The following VEZT variants were observed in gnomAD, a reference collection of about 807,000 sequenced individuals.
VEZT encodes vezatin, adherens junctions transmembrane protein, also known as vezatin.
A neutral mutation model predicts 79.9 loss-of-function variants in VEZT; 39 were observed. The observed-to-expected ratio is 0.49, with a 90% CI of 0.38 to 0.64. The LOEUF is 0.64. VEZT is among the 30% of genes least tolerant of loss of function. The pLI is 0.00. For synonymous variants in VEZT, 325 were observed against 327.6 expected (o/e 0.99, Z 0.09); for missense variants, 837 against 893.1 (o/e 0.94, Z 0.80).
chr12:95,262,694 C>G (rs192884945), intron 3 of VEZT, among the ~76,000 whole-genome samples: 3 of 152,262 alleles, frequency 2.0e-5, no homozygotes, highest in African/African-American at 7.2e-5. Flanking sequence ...CATCTGATGG[C>G]TCAATAATGT....
At chr12:95,290,786 C>A (rs931932331) in intron 9 of VEZT, 1 of 152,042 alleles carries the variant, frequency 6.6e-6, no homozygotes, top group African/African-American at 2.4e-5. Context: ...ATTCATGAAT[C>A]ATTCCATATT....
intron 9 of VEZT, among the ~76,000 whole-genome samples, chr12:95,290,124 T>A (rs1441100531): frequency 6.6e-6 from 1 of 152,246 alleles, no homozygotes. Context: ...CAATATTTTT[T>A]ATATGTCTAG....
intron 1 of VEZT, among the ~76,000 whole-genome samples, chr12:95,246,403 G>A (rs922534353): frequency 1.7e-4 from 26 of 152,168 alleles, no homozygotes; most frequent in African/African-American, 6.0e-4. Context: ...GATTACAGGC[G>A]TGAGCCACCG....
intron 4 of VEZT, among the ~76,000 whole-genome samples, chr12:95,264,502 C>T (rs887617628): frequency 6.6e-6 from 1 of 151,982 alleles, no homozygotes; most frequent in African/African-American, 2.4e-5. Context: ...AGTGGTGTGA[C>T]CTCAGCTCAC....
At chr12:95,264,088 A>G (rs935648742) in intron 4 of VEZT, among the ~76,000 whole-genome samples, 2 of 152,262 alleles carry the variant, frequency 1.3e-5, no homozygotes, top group African/African-American at 4.8e-5. Context: ...TGTTCAAGTT[A>G]TATAGGCAGT....
At chr12:95,278,433 G>A (rs560168867) in intron 7 of VEZT, among the ~76,000 whole-genome samples, 1 of 152,126 alleles carries the variant, frequency 6.6e-6, no homozygotes, top group East Asian at 1.9e-4. Flanking sequence ...ACATTTATCA[G>A]GCTCTGAAAG....
At chr12:95,289,081 C>CAAAAAAAA (rs71078697) in intron 9 of VEZT, among the ~76,000 whole-genome samples, 171 of 123,070 alleles carry the variant, frequency 1.4e-3, no homozygotes, top group Non-Finnish European at 2.2e-3. Context: ...GACTCCGTCT[C>CAAAAAAAA]AAAAAAAAAA....
chr12:95,290,860 A>G (rs1305846711), intron 9 of VEZT: 3 of 152,160 alleles, frequency 2.0e-5, no homozygotes, highest in Admixed American at 2.0e-4. Flanking sequence ...ATATATATCT[A>G]CATATATATT....
At chr12:95,249,677 T>C (rs1163153440) in intron 1 of VEZT, among the ~76,000 whole-genome samples, 6 of 152,192 alleles carry the variant, frequency 3.9e-5, no homozygotes, top group African/African-American at 1.4e-4. Context: ...ATATATTCCC[T>C]AAATGTCTTG....
At chr12:95,262,666 T>C (rs1311875602) in intron 3 of VEZT, among the ~76,000 whole-genome samples, 1 of 152,220 alleles carries the variant, frequency 6.6e-6, no homozygotes, top group Admixed American at 6.5e-5. Flanking sequence ...CATCTTGTTA[T>C]TAAAAATTTA....
At chr12:95,290,491 G>A (rs113757660) in intron 9 of VEZT, among the ~76,000 whole-genome samples, 25 of 152,248 alleles carry the variant, frequency 1.6e-4, no homozygotes, top group Middle Eastern at 3.4e-3. Flanking sequence ...CATACAACAC[G>A]ATGAATGAAT....
At chr12:95,256,639 G>C in intron 2 of VEZT, 1 of 1,270,680 alleles carries the variant, frequency 7.9e-7, no homozygotes, top group South Asian at 1.3e-5. Context: ...TGAATTTTTG[G>C]TTGATTCAGT....
chr12:95,254,673 A>C (rs968135379), intron 2 of VEZT, among the ~76,000 whole-genome samples: 4 of 152,136 alleles, frequency 2.6e-5, no homozygotes, highest in African/African-American at 9.7e-5. Flanking sequence ...GGAGAGCTAA[A>C]TTTTAGAAAA....
rs1361311233 is a variant in VEZT at position 95,252,004 on chromosome 12, T to G, written c.101T>G (p.Leu34Trp). ...ACAGACTTTGAAATATGTTCTTCTT[T>G]GTCACCAAAAACAGAAAAATGCACA... is the stretch of plus-strand genomic sequence containing the variant. Reference protein sequence around the residue: ...GHTDFEICSSLSPKTEKCTTE... With the variant: ...GHTDFEICSSWSPKTEKCTTE... Residue 34 changes from leucine (L) to tryptophan (W), a missense_variant, in exon 2 of 12, where the codon TTG becomes TGG. Physicochemically the swap from Leu to Trp is moderately conservative, Grantham distance 61. Transcript: ENST00000436874. The G allele has an allele frequency of 2.5e-6, 4 of 1,612,640 alleles. No individual in the cohort carries two copies. The South Asian group carries it at 4.4e-5, about 18-fold the overall frequency.
At chr12:95,263,214 T>A in intron 4 of VEZT, 133 bp downstream of exon 4, 1 of 885,500 alleles carries the variant, frequency 1.1e-6, no homozygotes, top group Non-Finnish European at 1.6e-6. Flanking sequence ...AGTAACAATA[T>A]GGGGGGAAAA....
chr12:95,251,552 G>C (rs1280911330), intron 1 of VEZT, among the ~76,000 whole-genome samples: 1 of 152,018 alleles, frequency 6.6e-6, no homozygotes, highest in Non-Finnish European at 1.5e-5. Context: ...ATTATTCTTG[G>C]CTTTGAGTAA....
chr12:95,268,155 G>GT (rs1172340145), intron 5 of VEZT, among the ~76,000 whole-genome samples: 1 of 151,974 alleles, frequency 6.6e-6, no homozygotes, highest in East Asian at 1.9e-4. Context: ...TTTTTAAGTT[G>GT]TTTAAGTGTC....
chr12:95,248,821 C>CAAAAAAAA (rs3080331), intron 1 of VEZT, among the ~76,000 whole-genome samples: 1 of 104,662 alleles, frequency 9.6e-6, no homozygotes, highest in Non-Finnish European at 2.0e-5. Context: ...GACCCTATCT[C>CAAAAAAAA]AAAAAAAAAA....
intron 1 of VEZT, among the ~76,000 whole-genome samples, chr12:95,235,644 ATGGGG>A (rs2060001848): frequency 7.5e-6 from 1 of 133,064 alleles, no homozygotes; most frequent in African/African-American, 2.9e-5. Flanking sequence ...CACCTCCCGG[ATGGGG>A]CGGCTGGCCG....
Sources: allele counts gnomAD v4.1 joint callset (sites outside exome capture counted in the v4.1 genomes callset), GRCh38; gene constraint gnomAD v4.1.1; transcripts MANE v1.5; gene names NCBI Gene and HGNC (gene_info 2026-07-23, HGNC 2026-07-21).